The following SAMTOR variants were observed in gnomAD, a reference collection of about 807,000 sequenced individuals.
SAMTOR encodes the protein S-adenosylmethionine sensor upstream of mTORC1, also known as UPF0532 protein C7orf60.
the SAMTOR span, among the ~76,000 whole-genome samples, chr7:112,834,756 C>T: frequency 0.011 from 1,643 of 152,210 alleles, 31 homozygotes; most frequent in African/African-American, 0.037. Context: ...CCTCCTCCTC[C>T]TGATGTACGG....
the SAMTOR span, among the ~76,000 whole-genome samples, chr7:112,843,171 G>A: frequency 6.6e-6 from 1 of 151,842 alleles, no homozygotes; most frequent in South Asian, 2.1e-4. Flanking sequence ...ATAATTTTTG[G>A]ACCCTCAAAC....
the SAMTOR span, among the ~76,000 whole-genome samples, chr7:112,903,009 G>A: frequency 6.6e-6 from 1 of 152,084 alleles, no homozygotes; most frequent in African/African-American, 2.4e-5. Context: ...ATAAAATGTT[G>A]ACTTTTAAAA....
At chr7:112,820,252 T>G in the SAMTOR span, 1 of 152,418 alleles carries the variant, frequency 6.6e-6, no homozygotes, top group African/African-American at 2.4e-5. Context: ...TAAATAAAGT[T>G]TGACATTCAA....
At chr7:112,831,735 T>C in the SAMTOR span, among the ~76,000 whole-genome samples, 1 of 152,182 alleles carries the variant, frequency 6.6e-6, no homozygotes, top group South Asian at 2.1e-4. Context: ...ATAGGAAATG[T>C]TCTCAAAAGA....
chr7:112,822,406 CT>C, the SAMTOR span: 3 of 1,533,030 alleles, frequency 2.0e-6, no homozygotes, highest in East Asian at 6.8e-5. Flanking sequence ...ATATTAAGAA[CT>C]TCAAGATTAT....
chr7:112,827,931 T>TG, the SAMTOR span, among the ~76,000 whole-genome samples: 1 of 152,090 alleles, frequency 6.6e-6, no homozygotes, highest in South Asian at 2.1e-4. Flanking sequence ...CATAGGCTGG[T>TG]CTCAAGCTCC....
At chr7:112,856,021 C>T in the SAMTOR span, among the ~76,000 whole-genome samples, 9 of 151,860 alleles carry the variant, frequency 5.9e-5, no homozygotes, top group South Asian at 6.2e-4. Flanking sequence ...TTAAGTGTTT[C>T]GTGTGTGTAT....
At chr7:112,897,049 G>A in the SAMTOR span, among the ~76,000 whole-genome samples, 1 of 152,136 alleles carries the variant, frequency 6.6e-6, no homozygotes, top group Admixed American at 6.5e-5. Flanking sequence ...TAAAGAGGAA[G>A]GAGAGCCAAG....
the SAMTOR span, among the ~76,000 whole-genome samples, chr7:112,851,268 T>A: frequency 1.8e-4 from 27 of 152,174 alleles, no homozygotes; most frequent in African/African-American, 6.5e-4. Flanking sequence ...AGAACCAAGC[T>A]GGAATCATCA....
At chr7:112,837,416 CCTTTT>C in the SAMTOR span, among the ~76,000 whole-genome samples, 1 of 151,734 alleles carries the variant, frequency 6.6e-6, no homozygotes. Context: ...TCTATTTGTT[CCTTTT>C]ATTTCTCTTG....
At chr7:112,830,661 G>C in the SAMTOR span, among the ~76,000 whole-genome samples, 1 of 152,118 alleles carries the variant, frequency 6.6e-6, no homozygotes. Flanking sequence ...TAAGAACAGT[G>C]ATTTTATAAT....
At chr7:112,833,433 G>T in the SAMTOR span, among the ~76,000 whole-genome samples, 1 of 152,110 alleles carries the variant, frequency 6.6e-6, no homozygotes, top group Non-Finnish European at 1.5e-5. Context: ...GAATTAATAA[G>T]ATAATACATT....
At chr7:112,834,915 T>C in the SAMTOR span, among the ~76,000 whole-genome samples, 8 of 152,174 alleles carry the variant, frequency 5.3e-5, no homozygotes, top group South Asian at 2.1e-4. Flanking sequence ...TCAAATACTT[T>C]AAAAATTATG....
chr7:112,922,892 C>A, the SAMTOR span, among the ~76,000 whole-genome samples: 295 of 130,276 alleles, frequency 2.3e-3, 4 homozygotes, highest in Admixed American at 4.2e-3. Flanking sequence ...GGGGTCAGCC[C>A]CCCCCCCCCG....
chr7:112,910,906 G>A, the SAMTOR span, among the ~76,000 whole-genome samples: 3 of 152,130 alleles, frequency 2.0e-5, no homozygotes, highest in South Asian at 2.1e-4. Flanking sequence ...AAAAAACAAC[G>A]TATTAAAAAG....
chr7:112,840,401 T>C, the SAMTOR span, among the ~76,000 whole-genome samples: 1 of 151,898 alleles, frequency 6.6e-6, no homozygotes, highest in Admixed American at 6.6e-5. Context: ...GTTTAGACTT[T>C]CCATTTGGGA....
chr7:112,830,800 G>A, the SAMTOR span, among the ~76,000 whole-genome samples: 3 of 151,944 alleles, frequency 2.0e-5, no homozygotes, highest in African/African-American at 7.2e-5. Flanking sequence ...AAATCTTCAT[G>A]CAGGAATTTA....
chr7:112,938,375 G>T, the SAMTOR span, among the ~76,000 whole-genome samples: 224 of 152,324 alleles, frequency 1.5e-3, 2 homozygotes, highest in Middle Eastern at 6.8e-3. Context: ...ATTTGCTAAG[G>T]AAAGAAACCT....
the SAMTOR span, among the ~76,000 whole-genome samples, chr7:112,929,748 A>G: frequency 2.6e-5 from 4 of 152,110 alleles, no homozygotes; most frequent in Non-Finnish European, 5.9e-5. Context: ...GCAAAGAAGT[A>G]TGAGAAAATT....
Sources: gnomAD v4.1 joint callset for allele counts (sites outside exome capture counted in the v4.1 genomes callset) on GRCh38, gnomAD v4.1.1 for gene constraint, MANE v1.5 for transcripts, NCBI Gene and HGNC (gene_info 2026-07-23, HGNC 2026-07-21) for gene names.